Variants in RNF169 observed in about 807,000 individuals in gnomAD.
RNF169 encodes the protein E3 ubiquitin-protein ligase RNF169.
In RNF169, 24 loss-of-function variants were observed where a neutral mutation model predicts 53.9. The observed-to-expected ratio is 0.45, with a 90% confidence interval of 0.32 to 0.63. The LOEUF is 0.63. Among genes scored for constraint, RNF169 ranks in the 20% least tolerant of loss-of-function variants. RNF169 has a pLI of 0.04. For missense variants in RNF169, 883 were observed against 906.2 expected, an observed-to-expected ratio of 0.97 and a Z score of 0.33; for synonymous variants, 396 against 363.5, an observed-to-expected ratio of 1.09 and a Z score of -1.02.
chr11:74,800,218 A>G (rs980503837), intron 2 of RNF169, among the ~76,000 whole-genome samples: 1 of 152,112 alleles, frequency 6.6e-6, no homozygotes, highest in Admixed American at 6.6e-5. Flanking sequence ...ATCTGCTTTC[A>G]GTGATGATTG....
In RNF169 at chr11:74,769,271, G is replaced by T. The variant is rs189131824; in HGVS notation, c.502+19889G>T. Among the ~76,000 whole-genome samples the T allele has an allele frequency of 6.2e-4, 94 of 152,286 alleles. 1 individual carries two copies. The South Asian group carries it at 0.012, about 20-fold the overall frequency. On this transcript the variant is annotated intron_variant, in intron 1 of 5. Transcript: ENST00000299563. The stretch of plus-strand genomic sequence containing the variant: ...GTCTGGTAAACATCTAGAATGATAC[G>T]CAACAGCATTAGCAATCAGGGAAAT...
At chr11:74,819,382 C>CT (rs2035980097) in intron 4 of RNF169, among the ~76,000 whole-genome samples, 1 of 152,216 alleles carries the variant, frequency 6.6e-6, no homozygotes, top group Admixed American at 6.5e-5. Context: ...CTTCTTGGCT[C>CT]TGAGTTTACT....
Position 74,836,520 on chromosome 11 carries a change from A to G in RNF169, c.1917A>G (p.Lys639=). The change falls in exon 6 of 6, where the codon AAA becomes AAG. Residue 639 remains lysine (K), a synonymous_variant. Coordinates refer to ENST00000299563, the MANE Select transcript of RNF169 (RefSeq NM_001098638.2). ...TAGAACAAAATGGCTCCCTTAAAAA[A>G]CTGCGACAAACCAGTGGGGAGGTGG... ...KHLEQNGSLK[K]LRQTSGEVGL... is the part of the protein sequence containing the mutation. 2 of 1,614,170 alleles carry G rather than the reference A, an allele frequency of 1.2e-6. No individual in the cohort carries two copies. The highest frequency in any genetic ancestry group is 1.7e-6 in the Non-Finnish European group (2 of 1,180,044).
chr11:74,749,316 G>A lies in RNF169; in HGVS notation c.436G>A (p.Asp146Asn), dbSNP rs1307358267. ...SQPERCRPRR[D>N]GGAAAAGPRP... The stretch of plus-strand genomic sequence containing the variant: ...ACCCGAGCGCTGCCGCCCGCGCCGG[G>A]ACGGGGGCGCGGCTGCCGCGGGGCC... The change falls in exon 1 of 6, where the codon GAC becomes AAC. Residue 146 changes from aspartate (D) to asparagine (N), a missense_variant. Physicochemically the swap from Asp to Asn is conservative, Grantham distance 23. This residue lies in a region of RNF169 where 313 missense variants were observed against 279.9 expected (regional missense o/e 1.12). Coordinates refer to ENST00000299563, the MANE Select transcript of RNF169 (RefSeq NM_001098638.2). 1 of 1,192,914 alleles carries A rather than the reference G, an allele frequency of 8.4e-7. No homozygotes were observed. The allele number at this position is 1,192,914 out of a possible 1,614,324, so 73.9% of individuals were successfully genotyped here.
chr11:74,772,128 T>G (rs1297939894), intron 1 of RNF169, among the ~76,000 whole-genome samples: 1 of 149,212 alleles, frequency 6.7e-6, no homozygotes, highest in Non-Finnish European at 1.5e-5. Flanking sequence ...GTAATTTGAA[T>G]TAGTTCTATG....
intron 1 of RNF169, among the ~76,000 whole-genome samples, chr11:74,772,393 A>C (rs2035272500): frequency 6.6e-6 from 1 of 152,144 alleles, no homozygotes; most frequent in Non-Finnish European, 1.5e-5. Flanking sequence ...GGCTTAAATA[A>C]GAATATGTGT....
chr11:74,779,804 C>G (rs879518698), intron 1 of RNF169, among the ~76,000 whole-genome samples: 1 of 152,112 alleles, frequency 6.6e-6, no homozygotes, highest in Non-Finnish European at 1.5e-5. Context: ...CTTCATTTGA[C>G]AGTGGTTGTT....
At chr11:74,823,556 C>G (rs555409912) in intron 4 of RNF169, among the ~76,000 whole-genome samples, 1 of 151,546 alleles carries the variant, frequency 6.6e-6, no homozygotes, top group Non-Finnish European at 1.5e-5. Context: ...GGCAACATAG[C>G]GAGACCTTGT....
At chr11:74,774,476 G>C (rs2035303623) in intron 1 of RNF169, among the ~76,000 whole-genome samples, 1 of 151,946 alleles carries the variant, frequency 6.6e-6, no homozygotes, top group African/African-American at 2.4e-5. Flanking sequence ...TAGTTTTTAG[G>C]CTAAGTAAAG....
intron 1 of RNF169, among the ~76,000 whole-genome samples, chr11:74,778,087 A>G (rs2035363145): frequency 6.6e-6 from 1 of 152,046 alleles, no homozygotes; most frequent in African/African-American, 2.4e-5. Flanking sequence ...TGTTTGTAAG[A>G]TTCATTTGGC....
intron 1 of RNF169, among the ~76,000 whole-genome samples, chr11:74,784,062 A>G (rs1438656443): frequency 6.6e-6 from 1 of 152,178 alleles, no homozygotes; most frequent in African/African-American, 2.4e-5. Context: ...TTGAAACACC[A>G]CATTTCACAA....
chr11:74,801,838 A>G (rs2035735428), intron 2 of RNF169, among the ~76,000 whole-genome samples: 1 of 152,232 alleles, frequency 6.6e-6, no homozygotes, highest in Non-Finnish European at 1.5e-5. Context: ...ATTTTTAAAA[A>G]TACGTTAAAA....
In RNF169 at chr11:74,803,022, A is replaced by G. The variant is rs541560743; in HGVS notation, c.577-7162A>G. 8.0e-4 allele frequency among the ~76,000 whole-genome samples: 119 copies of G among 149,488 alleles called. No homozygotes were observed. The South Asian group carries it at 0.024, about 30-fold the overall frequency. On this transcript the variant is annotated intron_variant, in intron 2 of 5. Coordinates refer to ENST00000299563, the MANE Select transcript of RNF169 (RefSeq NM_001098638.2). ...CGCAAGCTCCGCCTCCCGGGTTCAC[A>G]CCATTCTCCTGCCTCAGCCTCCTGA...
chr11:74,755,847 A>G (rs949586111), intron 1 of RNF169, among the ~76,000 whole-genome samples: 1 of 152,208 alleles, frequency 6.6e-6, no homozygotes, highest in Non-Finnish European at 1.5e-5. Flanking sequence ...GGAAGTAGAG[A>G]AGAGACTGAA....
chr11:74,790,868 C>T (rs2035569060), intron 2 of RNF169, among the ~76,000 whole-genome samples: 1 of 152,220 alleles, frequency 6.6e-6, no homozygotes, highest in African/African-American at 2.4e-5. Context: ...CTTGGGAGCA[C>T]CTCAGTCTGG....
chr11:74,780,230 G>A (rs1410790196), intron 1 of RNF169, among the ~76,000 whole-genome samples: 2 of 152,126 alleles, frequency 1.3e-5, no homozygotes, highest in African/African-American at 4.8e-5. Flanking sequence ...CCCATGTTCT[G>A]CTTTTTATTA....
At chr11:74,756,884 T>C (rs1265501039) in intron 1 of RNF169, among the ~76,000 whole-genome samples, 1 of 152,190 alleles carries the variant, frequency 6.6e-6, no homozygotes, top group Non-Finnish European at 1.5e-5. Flanking sequence ...ATCACTCCCA[T>C]GGGAGTGTTG....
chr11:74,756,710 T>C (rs1426391111), intron 1 of RNF169, among the ~76,000 whole-genome samples: 1 of 152,192 alleles, frequency 6.6e-6, no homozygotes, highest in East Asian at 1.9e-4. Context: ...CTAGGGATTG[T>C]AAACAGAAGT....
intron 3 of RNF169, among the ~76,000 whole-genome samples, chr11:74,813,466 A>G (rs908361813): frequency 2.0e-5 from 3 of 152,208 alleles, no homozygotes; most frequent in African/African-American, 7.2e-5. Context: ...TTAGAAAACA[A>G]TTGGATACAG....
Sources: allele counts gnomAD v4.1 joint callset (sites outside exome capture counted in the v4.1 genomes callset), GRCh38; gene constraint gnomAD v4.1.1; regional missense constraint gnomAD v4.1.1; transcripts MANE v1.5; gene names NCBI Gene and HGNC (gene_info 2026-07-23, HGNC 2026-07-21).